Variants in COG5 observed in about 807,000 individuals in gnomAD.
The protein encoded by COG5 is conserved oligomeric Golgi complex subunit 5.
In COG5, 86 loss-of-function variants were observed where a neutral mutation model predicts 110.4. The observed-to-expected ratio is 0.78, with a 90% CI of 0.65 to 0.93. The LOEUF is 0.93. Ranked by LOEUF, COG5 falls within the 40% of genes least tolerant of loss-of-function variation. The pLI is 0.00. For missense variants in COG5, 1,077 were observed against 987.0 expected (o/e 1.09, Z -1.22); for synonymous variants, 360 against 334.6 (o/e 1.08, Z -0.83).
chr7:107,391,954 G>C (rs1025593588), intron 7 of COG5, among the ~76,000 whole-genome samples: 2 of 152,184 alleles, frequency 1.3e-5, no homozygotes, highest in Non-Finnish European at 2.9e-5. Flanking sequence ...AGCTGGGCAT[G>C]GTGGCGGCCA....
intron 7 of COG5, among the ~76,000 whole-genome samples, chr7:107,385,651 T>G (rs1790131123): frequency 6.6e-6 from 1 of 152,150 alleles, no homozygotes; most frequent in African/African-American, 2.4e-5. Flanking sequence ...GAGGTACCTG[T>G]AGTGGTCAGA....
At chr7:107,391,927 C>CA (rs1374094244) in intron 7 of COG5, among the ~76,000 whole-genome samples, 2 of 151,984 alleles carry the variant, frequency 1.3e-5, no homozygotes, top group South Asian at 2.1e-4. Context: ...CCGTCTCTAC[C>CA]AAAAAATACA....
intron 14 of COG5, among the ~76,000 whole-genome samples, chr7:107,279,635 C>A (rs1805005047): frequency 6.6e-6 from 1 of 152,004 alleles, no homozygotes; most frequent in African/African-American, 2.4e-5. Context: ...TTACTTAAGA[C>A]ATTAGTCAAT....
At chr7:107,403,686 T>C (rs964354984) in intron 7 of COG5, among the ~76,000 whole-genome samples, 3 of 152,190 alleles carry the variant, frequency 2.0e-5, no homozygotes, top group East Asian at 1.9e-4. Flanking sequence ...GGAAGGTAGA[T>C]AGTAAGTGCA....
intron 7 of COG5, among the ~76,000 whole-genome samples, chr7:107,396,002 T>C (rs1219591596): frequency 1.3e-5 from 2 of 152,242 alleles, no homozygotes; most frequent in Non-Finnish European, 1.5e-5. Context: ...CTAATATTTA[T>C]GAAGAACACT....
intron 7 of COG5, among the ~76,000 whole-genome samples, chr7:107,411,339 G>C (rs1792278842): frequency 6.6e-6 from 1 of 151,932 alleles, no homozygotes; most frequent in South Asian, 2.1e-4. Context: ...ACTTAATGTA[G>C]AGAAATACTC....
At chr7:107,439,050 T>C (rs920559619) in intron 6 of COG5, among the ~76,000 whole-genome samples, 1 of 152,058 alleles carries the variant, frequency 6.6e-6, no homozygotes, top group Non-Finnish European at 1.5e-5. Flanking sequence ...CCTGACCTCT[T>C]CTCTTCTAAT....
intron 6 of COG5, among the ~76,000 whole-genome samples, chr7:107,441,768 A>G (rs1025062360): frequency 5.3e-5 from 8 of 152,352 alleles, no homozygotes; most frequent in African/African-American, 1.9e-4. Context: ...TATGTGCTAA[A>G]TTTTAATGAC....
At chr7:107,481,501 A>G (rs1451056620) in intron 6 of COG5, among the ~76,000 whole-genome samples, 5 of 152,186 alleles carry the variant, frequency 3.3e-5, no homozygotes, top group Non-Finnish European at 5.9e-5. Context: ...ACATATTTAT[A>G]CTTCAATCAG....
In COG5 at chr7:107,247,502, A is replaced by T. The variant is rs577565038; in HGVS notation, c.1853+894T>A. On this transcript the variant is annotated intron_variant, in intron 17 of 21. Coordinates refer to ENST00000297135, the MANE Select transcript of COG5 (RefSeq NM_006348.5). ...AAATTTCATAAAACAGATATTCTTT[A>T]AAACAACAAGAATGTAAAGAGAAAC... is the stretch of plus-strand genomic sequence containing the variant. Among the ~76,000 whole-genome samples the T allele has an allele frequency of 9.8e-5, 15 of 152,338 alleles. No homozygotes were observed. The South Asian group carries it at 3.1e-3, about 32-fold the overall frequency.
intron 10 of COG5, among the ~76,000 whole-genome samples, chr7:107,347,866 C>T (rs1323731005): frequency 6.6e-6 from 1 of 152,072 alleles, no homozygotes; most frequent in Non-Finnish European, 1.5e-5. Flanking sequence ...GTGGCTCATG[C>T]CTGCAATCCC....
intron 14 of COG5, among the ~76,000 whole-genome samples, chr7:107,278,105 A>C (rs905666472): frequency 2.6e-5 from 4 of 152,158 alleles, no homozygotes; most frequent in Admixed American, 2.0e-4. Flanking sequence ...TCAGATTATG[A>C]AAAGCTGTTC....
At position 107,362,028 on chromosome 7, in the gene COG5, C is replaced by T; in HGVS notation, c.1026+5G>A. On this transcript the variant is annotated splice_donor_5th_base_variant and intron_variant, in intron 10 of 21. Transcript: ENST00000297135. The stretch of plus-strand genomic sequence containing the variant: ...AGATGTAAAAATATTTTCCTTTAAA[C>T]ATACCTTAACTATTTCTTCAATGAA... The T allele has an allele frequency of 6.3e-7, 1 of 1,576,380 alleles. No individual in the cohort carries two copies. The highest frequency in any genetic ancestry group is 8.7e-7 in the Non-Finnish European group (1 of 1,148,666).
intron 6 of COG5, chr7:107,472,332 A>T (rs1796682907): frequency 6.6e-6 from 1 of 151,988 alleles, no homozygotes; most frequent in Non-Finnish European, 1.5e-5. Context: ...TCTGTCAATG[A>T]TATCATGTAT....
At chr7:107,382,721 G>A (rs991245534) in intron 7 of COG5, among the ~76,000 whole-genome samples, 1 of 152,142 alleles carries the variant, frequency 6.6e-6, no homozygotes, top group Non-Finnish European at 1.5e-5. Context: ...TTACAGGCAT[G>A]AGCCACCGCA....
At chr7:107,396,756 G>C (rs987174110) in intron 7 of COG5, among the ~76,000 whole-genome samples, 24 of 152,052 alleles carry the variant, frequency 1.6e-4, no homozygotes, top group African/African-American at 5.8e-4. Flanking sequence ...TGGCATTAAA[G>C]TTTTTAAATA....
intron 6 of COG5, among the ~76,000 whole-genome samples, chr7:107,444,470 C>T (rs979935764): frequency 1.3e-5 from 2 of 152,188 alleles, no homozygotes; most frequent in Admixed American, 6.5e-5. Flanking sequence ...TTTTCTTACA[C>T]TGTTTTCGCC....
intron 14 of COG5, among the ~76,000 whole-genome samples, chr7:107,280,363 T>C (rs1409732529): frequency 6.6e-6 from 1 of 152,046 alleles, no homozygotes. Context: ...CCTCGTAACA[T>C]GACTGTTACC....
intron 6 of COG5, among the ~76,000 whole-genome samples, chr7:107,444,581 C>T (rs1301684735): frequency 6.6e-6 from 1 of 152,126 alleles, no homozygotes; most frequent in Non-Finnish European, 1.5e-5. Flanking sequence ...TATTTTGAAA[C>T]TTCATAGCAC....
Sources: gnomAD v4.1 joint callset for allele counts (sites outside exome capture counted in the v4.1 genomes callset) on GRCh38, gnomAD v4.1.1 for gene constraint, MANE v1.5 for transcripts, NCBI Gene and HGNC (gene_info 2026-07-23, HGNC 2026-07-21) for gene names.